AKAIN1: variants seen among roughly 807,000 people sequenced by gnomAD.
The protein encoded by AKAIN1 is A-kinase anchor protein inhibitor 1.
Under a neutral mutation model 3.7 loss-of-function variants are expected in AKAIN1, and 3 were observed. The observed-to-expected ratio is 0.82, with a 90% CI of 0.37 to 2.12. The LOEUF (loss-of-function observed/expected upper bound fraction) is 2.12. AKAIN1 is among the 30% of genes most tolerant of loss of function. The probability of loss-of-function intolerance (pLI) is 0.06; values close to 1 mark genes in which losing one functional copy is unlikely to be tolerated. For synonymous variants in AKAIN1, 31 were observed against 30.8 expected, an observed-to-expected ratio of 1.01 and a Z score of -0.02; for missense variants, 82 against 82.7, an observed-to-expected ratio of 0.99 and a Z score of 0.03.
chr18:5,149,050 T>G (rs2071065454), intron 1 of AKAIN1, among the ~76,000 whole-genome samples: 1 of 152,024 alleles, frequency 6.6e-6, no homozygotes, highest in Non-Finnish European at 1.5e-5. Context: ...CACTGTACAG[T>G]GTATAAGTGT....
At chr18:5,183,575 C>A (rs892155980) in intron 1 of AKAIN1, among the ~76,000 whole-genome samples, 3 of 149,310 alleles carry the variant, frequency 2.0e-5, no homozygotes, top group Admixed American at 1.3e-4. Context: ...ATTTAAAAAG[C>A]AAAATTTAAA....
At chr18:5,173,246 T>C (rs984597066) in intron 1 of AKAIN1, among the ~76,000 whole-genome samples, 1 of 152,212 alleles carries the variant, frequency 6.6e-6, no homozygotes, top group African/African-American at 2.4e-5. Flanking sequence ...TAACCAAAAC[T>C]TTAAAAATAT....
rs185135169 is a variant in AKAIN1 at position 5,156,686 on chromosome 18, T to C, written c.17-10931A>G. Among the ~76,000 whole-genome samples the C allele has an allele frequency of 5.6e-4, 86 of 152,326 alleles. No homozygotes were observed. In the East Asian group the frequency reaches 0.011, roughly 20 times the overall value. Reference sequence around the variant, plus strand: ...TCCATATTCAGCACATTTGAAAAATTGCAGGAGTTATGTGAGACAGTGTAT... The same window carrying C: ...TCCATATTCAGCACATTTGAAAAATCGCAGGAGTTATGTGAGACAGTGTAT... On this transcript the variant is annotated intron_variant, in intron 1 of 1. Transcript: ENST00000434239.
At chr18:5,174,423 A>G (rs2071214426) in intron 1 of AKAIN1, among the ~76,000 whole-genome samples, 1 of 152,150 alleles carries the variant, frequency 6.6e-6, no homozygotes, top group Non-Finnish European at 1.5e-5. Flanking sequence ...CCACTTGTAT[A>G]AAGCACTGAG....
chr18:5,158,310 A>C (rs2071119906), intron 1 of AKAIN1, among the ~76,000 whole-genome samples: 2 of 152,174 alleles, frequency 1.3e-5, no homozygotes, highest in African/African-American at 2.4e-5. Context: ...AGTGAGAGTT[A>C]AGGCACAAGA....
chr18:5,195,920 C>G (rs2071344665), intron 1 of AKAIN1, among the ~76,000 whole-genome samples: 1 of 152,108 alleles, frequency 6.6e-6, no homozygotes, highest in Non-Finnish European at 1.5e-5. Flanking sequence ...GAAACTCATC[C>G]CTCCCTCCCC....
At chr18:5,155,743 C>T (rs1598306050) in intron 1 of AKAIN1, among the ~76,000 whole-genome samples, 1 of 152,284 alleles carries the variant, frequency 6.6e-6, no homozygotes, top group East Asian at 1.9e-4. Context: ...ACTGTGTGAT[C>T]TCATGTGCTA....
rs1028931095 is a variant in AKAIN1 at position 5,144,339 on chromosome 18, A to C, written c.*1223T>G. On this transcript the variant is annotated 3_prime_UTR_variant, in exon 2 of 2. Transcript: ENST00000434239. Reference sequence around the variant, plus strand: ...TCTGAAACTAGAAGGTTTTTAACCAAGGTCAAATTCTTCCTCTGTCCCCAA... The same window carrying C: ...TCTGAAACTAGAAGGTTTTTAACCACGGTCAAATTCTTCCTCTGTCCCCAA... Among the ~76,000 whole-genome samples the C allele has an allele frequency of 6.6e-6, 1 of 152,222 alleles. No homozygotes were observed. The highest frequency in any genetic ancestry group is 1.5e-5 in the Non-Finnish European group (1 of 68,050).
chr18:5,176,457 C>A (rs74999624), intron 1 of AKAIN1, among the ~76,000 whole-genome samples: 13,639 of 151,072 alleles, frequency 0.09, 709 homozygotes, highest in African/African-American at 0.15. Flanking sequence ...AACAAACAAA[C>A]AAAAAAAACA....
chr18:5,163,589 T>C (rs990498491), intron 1 of AKAIN1: 1 of 152,082 alleles, frequency 6.6e-6, no homozygotes, highest in Non-Finnish European at 1.5e-5. Context: ...TCAGAAATAC[T>C]GTCAAATTAC....
chr18:5,146,890 A>G (rs2071052613), intron 1 of AKAIN1, among the ~76,000 whole-genome samples: 1 of 152,200 alleles, frequency 6.6e-6, no homozygotes, highest in African/African-American at 2.4e-5. Context: ...TCAACCCCCA[A>G]TCTGGAATGG....
intron 1 of AKAIN1, among the ~76,000 whole-genome samples, chr18:5,157,726 T>C (rs528814561): frequency 6.6e-6 from 1 of 152,316 alleles, no homozygotes; most frequent in Non-Finnish European, 1.5e-5. Context: ...TTTTCAAAGA[T>C]GGTGCCTTAC....
chr18:5,161,791 T>G (rs1328769513), intron 1 of AKAIN1, among the ~76,000 whole-genome samples: 1 of 152,164 alleles, frequency 6.6e-6, no homozygotes, highest in African/African-American at 2.4e-5. Context: ...AACGTATTAT[T>G]TAATCTCATT....
intron 1 of AKAIN1, among the ~76,000 whole-genome samples, chr18:5,191,455 G>C (rs1270957671): frequency 6.6e-6 from 1 of 152,140 alleles, no homozygotes; most frequent in African/African-American, 2.4e-5. Context: ...TGCAAGATCT[G>C]TATGCTGAAA....
At chr18:5,197,293 C>A, upstream of AKAIN1, 1 of 1,368,158 alleles carries the variant, frequency 7.3e-7, no homozygotes, top group Non-Finnish European at 9.4e-7. The surrounding 1 kb of genome is among the most constrained non-coding windows in gnomAD (Gnocchi z 6.9). Flanking sequence ...GAGGGTGAAT[C>A]CCCGCTCAGT....
At chr18:5,194,418 T>C (rs1234226540) in intron 1 of AKAIN1, among the ~76,000 whole-genome samples, 2 of 152,142 alleles carry the variant, frequency 1.3e-5, no homozygotes, top group Non-Finnish European at 2.9e-5. Context: ...ATCTATAGAC[T>C]AACTGAAACA....
intron 1 of AKAIN1, among the ~76,000 whole-genome samples, chr18:5,152,276 G>A (rs1198024972): frequency 6.6e-6 from 1 of 152,116 alleles, no homozygotes; most frequent in Non-Finnish European, 1.5e-5. Context: ...TTTGTTTAAG[G>A]ATCACTTAAC....
rs1432656726 is a variant in AKAIN1, at chr18:5,144,582, A to T, written c.*980T>A. Among the ~76,000 whole-genome samples, 1 of 152,170 alleles carries T rather than the reference A, an allele frequency of 6.6e-6. No homozygotes were observed. The highest frequency in any genetic ancestry group is 1.5e-5 in the Non-Finnish European group (1 of 68,040). ...TTCTCATGTATTCCTGACCTGTATG[A>T]TTTTCATAATCTCAAAAAAAAAATT... On this transcript the variant is annotated 3_prime_UTR_variant, in exon 2 of 2. Coordinates refer to ENST00000434239, the MANE Select transcript of AKAIN1 (RefSeq NM_001145194.2).
At chr18:5,174,384 T>C (rs1391658632) in intron 1 of AKAIN1, among the ~76,000 whole-genome samples, 1 of 152,064 alleles carries the variant, frequency 6.6e-6, no homozygotes, top group Non-Finnish European at 1.5e-5. Flanking sequence ...ATCAGCAAAT[T>C]GATGGCAAAG....
Sources: gnomAD v4.1 joint callset for allele counts (sites outside exome capture counted in the v4.1 genomes callset) on GRCh38, gnomAD v4.1.1 for gene constraint, Gnocchi (gnomAD v3.1) non-coding constraint, MANE v1.5 for transcripts, NCBI Gene and HGNC (gene_info 2026-07-23, HGNC 2026-07-21) for gene names.